SLC13A3: variants seen among roughly 807,000 people sequenced by gnomAD.
SLC13A3 encodes the protein solute carrier family 13 member 3.
Under a neutral mutation model 59.0 loss-of-function variants are expected in SLC13A3, and 40 were observed. The observed-to-expected ratio is 0.68, with a 90% CI of 0.53 to 0.88. The LOEUF (loss-of-function observed/expected upper bound fraction) is 0.88. SLC13A3 is among the 40% of genes least tolerant of loss of function. The pLI, the probability that SLC13A3 is intolerant of heterozygous loss-of-function variation, is 0.00. For missense variants in SLC13A3, 699 were observed against 783.2 expected (o/e 0.89, Z 1.28); for synonymous variants, 317 against 330.3 (o/e 0.96, Z 0.44).
At chr20:46,567,183 G>C (rs770888297) in intron 10 of SLC13A3, among the ~76,000 whole-genome samples, 1 of 152,012 alleles carries the variant, frequency 6.6e-6, no homozygotes, top group Non-Finnish European at 1.5e-5. Flanking sequence ...CAGAAACTCT[G>C]TCTCAAAAGC....
chr20:46,663,461 T>G (rs558744964), intron 1 of SLC13A3, among the ~76,000 whole-genome samples: 2 of 150,800 alleles, frequency 1.3e-5, no homozygotes, highest in Non-Finnish European at 3.0e-5. Context: ...AAAAAAAAAG[T>G]TGGGGGGCTT....
intron 4 of SLC13A3, among the ~76,000 whole-genome samples, chr20:46,598,376 G>C (rs918195667): frequency 6.6e-6 from 1 of 152,106 alleles, no homozygotes; most frequent in African/African-American, 2.4e-5. Context: ...CCTGAGTATC[G>C]AAAAGAGAAA....
At chr20:46,602,905 G>A (rs1029652985) in intron 3 of SLC13A3, among the ~76,000 whole-genome samples, 1 of 152,132 alleles carries the variant, frequency 6.6e-6, no homozygotes, top group Admixed American at 6.5e-5. Context: ...ACTGCCAGGT[G>A]TGGTGACTCA....
intron 9 of SLC13A3, among the ~76,000 whole-genome samples, chr20:46,582,224 A>G (rs1433550101): frequency 2.6e-5 from 4 of 152,060 alleles, no homozygotes; most frequent in Admixed American, 2.6e-4. Flanking sequence ...GCCAGGCTCA[A>G]TTCACCCACC....
chr20:46,627,241 T>C (rs371058142), intron 1 of SLC13A3, among the ~76,000 whole-genome samples: 1 of 152,230 alleles, frequency 6.6e-6, no homozygotes, highest in Non-Finnish European at 1.5e-5. Context: ...GGGGACAATT[T>C]AATGAGTAAT....
chr20:46,638,820 G>A (rs1227602456), intron 1 of SLC13A3, among the ~76,000 whole-genome samples: 1 of 152,196 alleles, frequency 6.6e-6, no homozygotes, highest in Non-Finnish European at 1.5e-5. Context: ...TTCTCTGTGG[G>A]GGGCTGTCCT....
chr20:46,583,261 G>T, intron 9 of SLC13A3: 1 of 617,184 alleles, frequency 1.6e-6, no homozygotes, highest in Non-Finnish European at 2.1e-6. Context: ...ACTTTCACAT[G>T]TAGTAAAATG....
At chr20:46,563,723 G>A (rs1376945486) in intron 11 of SLC13A3, among the ~76,000 whole-genome samples, 172 bp from the exon 12 acceptor site, 1 of 152,102 alleles carries the variant, frequency 6.6e-6, no homozygotes, top group Non-Finnish European at 1.5e-5. Flanking sequence ...ACAGGGACAA[G>A]TGAGAAGAGA....
rs376026585 is a variant in SLC13A3, at chr20:46,678,859, G to A, written c.-31+5537C>T. On this transcript the variant is annotated intron_variant, in intron 1 of 6. Coordinates refer to the SLC13A3 transcript ENST00000372121. ...TCATGGCGGCAGATCCCTCGTGAAT[G>A]GCTTGGTGCCCTCTCTGTGGTAATC... is the stretch of plus-strand genomic sequence containing the variant. Among the ~76,000 whole-genome samples, 14 of 152,254 alleles carry A rather than the reference G, an allele frequency of 9.2e-5. No homozygotes were observed. The East Asian group carries it at 2.7e-3, about 29-fold the overall frequency.
intron 1 of SLC13A3, among the ~76,000 whole-genome samples, chr20:46,621,053 G>A (rs1185748769): frequency 6.6e-6 from 1 of 152,230 alleles, no homozygotes; most frequent in Non-Finnish European, 1.5e-5. Flanking sequence ...AATAGCAAAG[G>A]TCATGGCAAC....
At chr20:46,633,464 C>T (rs1315451539) in intron 1 of SLC13A3, among the ~76,000 whole-genome samples, 1 of 152,214 alleles carries the variant, frequency 6.6e-6, no homozygotes, top group African/African-American at 2.4e-5. Context: ...TCCGTAATTT[C>T]GGATGCATAT....
Position 46,676,240 on chromosome 20 carries a change from T to A in SLC13A3, c.-31+8156A>T, listed in dbSNP as rs118019737. Among the ~76,000 whole-genome samples the A allele has an allele frequency of 6.8e-4, 103 of 152,104 alleles. 1 individual carries two copies. In the East Asian group the frequency reaches 0.019, roughly 28 times the overall value. ...TTTTATTGAAGTACCACATAAATACTGAAAAGTACCCATATAAACATGCCT... is the reference window on the plus strand; with the variant it reads ...TTTTATTGAAGTACCACATAAATACAGAAAAGTACCCATATAAACATGCCT... On this transcript the variant is annotated intron_variant, in intron 1 of 6. Coordinates refer to the SLC13A3 transcript ENST00000372121.
At chr20:46,624,525 T>C (rs1368880582) in intron 1 of SLC13A3, among the ~76,000 whole-genome samples, 1 of 152,202 alleles carries the variant, frequency 6.6e-6, no homozygotes, top group Non-Finnish European at 1.5e-5. Flanking sequence ...GGCAAGCTGC[T>C]CATAGCATTA....
intron 12 of SLC13A3, among the ~76,000 whole-genome samples, chr20:46,563,089 C>A (rs910391390): frequency 8.5e-5 from 13 of 152,122 alleles, no homozygotes; most frequent in Non-Finnish European, 1.9e-4. Flanking sequence ...GCACTGAGGC[C>A]CACCCCTGAG....
chr20:46,680,666 A>G (rs2063149899), intron 1 of SLC13A3, among the ~76,000 whole-genome samples: 1 of 152,214 alleles, frequency 6.6e-6, no homozygotes, highest in African/African-American at 2.4e-5. Flanking sequence ...GACATCTCTG[A>G]AGAGCCATTT....
intron 1 of SLC13A3, among the ~76,000 whole-genome samples, chr20:46,622,574 T>A (rs1568941689): frequency 6.6e-6 from 1 of 151,754 alleles, no homozygotes; most frequent in Non-Finnish European, 1.5e-5. Flanking sequence ...AGGGGATTCT[T>A]GCAAATTTGC....
intron 8 of SLC13A3, among the ~76,000 whole-genome samples, chr20:46,586,811 T>C (rs1381341362): frequency 6.6e-6 from 1 of 152,166 alleles, no homozygotes; most frequent in African/African-American, 2.4e-5. Context: ...GGTCAGCAAA[T>C]GTCTCCTGTA....
In SLC13A3 at chr20:46,632,371, G is replaced by A. The variant is rs181744791; in HGVS notation, c.112-18646C>T. On this transcript the variant is annotated intron_variant, in intron 1 of 12. Coordinates refer to ENST00000279027, the MANE Select transcript of SLC13A3 (RefSeq NM_022829.6). ...AGGACTGGTGTCGCTTCCTCACTCCGAGCGTCAGTTCACTCATGGATAACA... is the reference window on the plus strand; with the variant it reads ...AGGACTGGTGTCGCTTCCTCACTCCAAGCGTCAGTTCACTCATGGATAACA... 1.1e-4 allele frequency among the ~76,000 whole-genome samples: 17 copies of A among 152,068 alleles called. No individual in the cohort carries two copies. In the South Asian group the frequency reaches 1.2e-3, roughly 11 times the overall value.
At chr20:46,601,067 A>C (rs1372978836) in intron 3 of SLC13A3, among the ~76,000 whole-genome samples, 1 of 152,030 alleles carries the variant, frequency 6.6e-6, no homozygotes, top group Non-Finnish European at 1.5e-5. Flanking sequence ...TGAGATGAAG[A>C]ACTGAGGAAG....
Sources: allele counts gnomAD v4.1 joint callset (sites outside exome capture counted in the v4.1 genomes callset), GRCh38; gene constraint gnomAD v4.1.1; transcripts MANE v1.5; gene names NCBI Gene and HGNC (gene_info 2026-07-23, HGNC 2026-07-21).